ZDHHC15: variants seen among roughly 807,000 people sequenced by gnomAD.
The protein encoded by ZDHHC15 is palmitoyltransferase ZDHHC15.
In ZDHHC15, 19 loss-of-function variants were observed where a neutral mutation model predicts 31.7. The ratio of observed to expected loss-of-function variants is 0.60; its 90% CI spans 0.42 to 0.88. The LOEUF is 0.88. ZDHHC15 is among the 40% of genes least tolerant of loss of function. The pLI is 0.00. For missense variants in ZDHHC15, 209 were observed against 251.2 expected, an observed-to-expected ratio of 0.83 and a Z score of 1.14; for synonymous variants, 103 against 90.0, an observed-to-expected ratio of 1.14 and a Z score of -0.82.
intron 10 of ZDHHC15, among the ~76,000 whole-genome samples, chrX:75,411,549 T>A (rs2083486177): frequency 8.9e-6 from 1 of 112,774 alleles, no homozygotes. Flanking sequence ...ATAATTTGAA[T>A]GTTCCTAGCC....
chrX:75,490,967 C>T (rs1339705945), intron 2 of ZDHHC15, among the ~76,000 whole-genome samples: 2 of 111,480 alleles, frequency 1.8e-5, no homozygotes, highest in Non-Finnish European at 3.8e-5. Context: ...ATTAAAAAGT[C>T]AGGAAACAAC....
At chrX:75,381,612 A>G (rs1212986302) in intron 10 of ZDHHC15, among the ~76,000 whole-genome samples, 1 of 111,857 alleles carries the variant, frequency 8.9e-6, no homozygotes, top group Non-Finnish European at 1.9e-5. Context: ...ACTCAAGATC[A>G]TAAACTTAAT....
rs146892324 is a variant in ZDHHC15 at position 75,458,317 on chromosome X, T to C, written c.259-7395A>G. Among the ~76,000 whole-genome samples the C allele has an allele frequency of 6.9e-4, 77 of 110,942 alleles. 1 individual carries two copies. The East Asian group carries it at 0.02, about 29-fold the overall frequency. On this transcript the variant is annotated intron_variant, in intron 3 of 11. Coordinates refer to ENST00000373367, the MANE Select transcript of ZDHHC15 (RefSeq NM_144969.3). ...CGTAGTAGTTACCTCTAAGAGGAGGTTGATTGAAAAGAGGCATGAAGATTT... is the reference window on the plus strand; with the variant it reads ...CGTAGTAGTTACCTCTAAGAGGAGGCTGATTGAAAAGAGGCATGAAGATTT...
intron 11 of ZDHHC15, among the ~76,000 whole-genome samples, chrX:75,373,926 G>GTTTCTTTTTTTTTTT (rs2083027833): frequency 2.0e-5 from 1 of 50,456 alleles, no homozygotes; most frequent in Non-Finnish European, 3.4e-5. Flanking sequence ...CATTCTTTCT[G>GTTTCTTTTTTTTTTT]TTTTTTTTTT....
rs151123344 is a variant in ZDHHC15, at chrX:75,422,763, A to C, written c.737-773T>G. On this transcript the variant is annotated intron_variant, in intron 8 of 11. Coordinates refer to ENST00000373367, the MANE Select transcript of ZDHHC15 (RefSeq NM_144969.3). ...TACCACCCTAGCAACTAGGGGCTAC[A>C]TACATATTTGGTTAAGAAAATGGGT... is the stretch of plus-strand genomic sequence containing the variant. Among the ~76,000 whole-genome samples, 1,085 of 111,142 alleles carry C rather than the reference A, an allele frequency of 9.8e-3. 15 individuals are homozygous for C. Among genetic ancestry groups the C allele is most frequent in the African/African-American group, 0.032 (981 of 30,600 alleles).
intron 2 of ZDHHC15, among the ~76,000 whole-genome samples, chrX:75,491,545 C>A (rs947940968): frequency 6.5e-5 from 7 of 107,825 alleles, no homozygotes; most frequent in African/African-American, 2.4e-4. Flanking sequence ...CTAATGGGTG[C>A]AGCACACCAG....
intron 1 of ZDHHC15, among the ~76,000 whole-genome samples, chrX:75,515,885 G>T (rs1395786755): frequency 2.7e-5 from 3 of 112,008 alleles, no homozygotes; most frequent in Non-Finnish European, 3.8e-5. Context: ...CTTCAGCAAA[G>T]TCTCAGGATA....
rs1602526342 is a variant in ZDHHC15 at position 75,369,930 on chromosome X, A to T, written c.*3048T>A. The T allele has an allele frequency of 9.0e-6, 1 of 111,326 alleles. No individual in the cohort carries two copies. The highest frequency in any genetic ancestry group is 3.3e-5 in the African/African-American group (1 of 30,539). The allele number at this position is 111,326 out of a possible 1,213,427, so 9.2% of individuals were successfully genotyped here. A position where few individuals can be genotyped will look rare whatever the true frequency, so the allele number is the denominator to read the frequency against. ...GCTGTGTTCCATTGGGGACCACTTA[A>T]TCTCTTTTCCCCTTAATTTTTCCAG... On this transcript the variant is annotated 3_prime_UTR_variant, in exon 12 of 12. Transcript: ENST00000373367.
intron 4 of ZDHHC15, among the ~76,000 whole-genome samples, chrX:75,448,962 C>T (rs1208079500): frequency 9.0e-6 from 1 of 110,611 alleles, no homozygotes; most frequent in Non-Finnish European, 1.9e-5. Flanking sequence ...CTGAACAGAA[C>T]AAAAATGTGG....
intron 3 of ZDHHC15, among the ~76,000 whole-genome samples, chrX:75,474,036 G>A (rs2147965453): frequency 9.0e-6 from 1 of 111,104 alleles, no homozygotes; most frequent in Non-Finnish European, 1.9e-5. Context: ...GTTTCAACTT[G>A]ACAAGGGTGG....
At chrX:75,390,905 G>A (rs1042590796) in intron 10 of ZDHHC15, among the ~76,000 whole-genome samples, 5 of 110,440 alleles carry the variant, frequency 4.5e-5, no homozygotes, top group Non-Finnish European at 7.5e-5. Flanking sequence ...GAGAGACTGA[G>A]ATAGTAGACC....
intron 11 of ZDHHC15, among the ~76,000 whole-genome samples, chrX:75,378,174 G>T (rs1447089705): frequency 1.8e-5 from 2 of 111,050 alleles, no homozygotes; most frequent in Non-Finnish European, 3.8e-5. Context: ...AGGTCAGATA[G>T]ACCTGAGTTA....
intron 10 of ZDHHC15, among the ~76,000 whole-genome samples, chrX:75,383,331 T>C (rs772771857): frequency 6.2e-5 from 7 of 112,440 alleles, no homozygotes; most frequent in African/African-American, 2.3e-4. Context: ...TTTCCAACAG[T>C]TGCAGAGAAT....
chrX:75,482,217 A>C (rs2084700108), intron 2 of ZDHHC15, among the ~76,000 whole-genome samples: 1 of 111,116 alleles, frequency 9.0e-6, no homozygotes, highest in South Asian at 3.8e-4. Context: ...CCCAAATCTC[A>C]CCATCATGCA....
At chrX:75,428,937 C>T in intron 7 of ZDHHC15, 141 bp downstream of exon 7, 1 of 846,537 alleles carries the variant, frequency 1.2e-6, no homozygotes, top group Middle Eastern at 3.0e-4. Flanking sequence ...TATGGAAAAC[C>T]TGTTTTTAGT....
At chrX:75,515,339 A>T (rs1425748552) in intron 1 of ZDHHC15, among the ~76,000 whole-genome samples, 1 of 111,640 alleles carries the variant, frequency 9.0e-6, no homozygotes, top group African/African-American at 3.3e-5. Flanking sequence ...CCTCAATAAA[A>T]TACTGGCAAA....
At chrX:75,472,827 G>T (rs1166744830) in intron 3 of ZDHHC15, among the ~76,000 whole-genome samples, 1 of 112,088 alleles carries the variant, frequency 8.9e-6, no homozygotes, top group Non-Finnish European at 1.9e-5. Flanking sequence ...CCACTGCTGA[G>T]TGCCCAATTT....
chrX:75,419,561 A>G (rs1017267042), intron 9 of ZDHHC15, among the ~76,000 whole-genome samples: 1 of 111,016 alleles, frequency 9.0e-6, no homozygotes, highest in African/African-American at 3.3e-5. Context: ...GGGATCTAGA[A>G]CTAGAAATAC....
intron 10 of ZDHHC15, among the ~76,000 whole-genome samples, chrX:75,400,562 G>C (rs894657777): frequency 7.1e-5 from 8 of 111,917 alleles, no homozygotes; most frequent in African/African-American, 2.3e-4. Flanking sequence ...TACATTTCAG[G>C]ATATTGTCCA....
Sources: allele counts gnomAD v4.1 joint callset (sites outside exome capture counted in the v4.1 genomes callset), GRCh38; gene constraint gnomAD v4.1.1; transcripts MANE v1.5; gene names NCBI Gene and HGNC (gene_info 2026-07-23, HGNC 2026-07-21).